SI: variants seen among roughly 807,000 people sequenced by gnomAD.
SI encodes sucrase-isomaltase, intestinal.
In SI, 235 loss-of-function variants were observed where a neutral mutation model predicts 253.3. That is an observed-to-expected ratio of 0.93 (90% confidence interval 0.83 to 1.03). SI has a LOEUF of 1.03. Ranked by LOEUF, SI falls within the 50% of genes least tolerant of loss-of-function variation. The pLI, the probability that SI is intolerant of heterozygous loss-of-function variation, is 0.00. For missense variants in SI, 2,442 were observed against 2,211.1 expected (o/e 1.10, Z -2.09); for synonymous variants, 819 against 712.0 (o/e 1.15, Z -2.39).
In SI at chr3:164,991,383, C is replaced by T; in HGVS notation, c.5078G>A (p.Cys1693Tyr). The change falls in exon 44 of 48, where the codon TGT becomes TAT. Residue 1693 changes from cysteine to tyrosine, a missense_variant. Transcript: ENST00000264382. Reference protein sequence around the residue: ...LHVRGGHILPCQEPAQNTFYS... With the variant: ...LHVRGGHILPYQEPAQNTFYS... ...AAATGTGTTTTGAGCTGGCTCTTGACATGGTAGGATGTGACCACCACGGAC... is the reference window on the plus strand; with the variant it reads ...AAATGTGTTTTGAGCTGGCTCTTGATATGGTAGGATGTGACCACCACGGAC... 1 of 1,613,744 alleles carries T rather than the reference C, an allele frequency of 6.2e-7. No homozygotes were observed. Among genetic ancestry groups the T allele is most frequent in the Non-Finnish European group, 8.5e-7 (1 of 1,179,800 alleles).
At chr3:165,089,041 G>A in the SI span, among the ~76,000 whole-genome samples, 1 of 149,360 alleles carries the variant, frequency 6.7e-6, no homozygotes. Context: ...TCCCAAATTT[G>A]CTGTCTTGGT....
chr3:165,004,754 C>T lies in SI; in HGVS notation c.4406+2062G>A, dbSNP rs547271766. ...TGCTAAAAATTTTGAAAAAGCAAAA[C>T]ATTGAACTCATGAATATAGACGGGA... On this transcript the variant is annotated intron_variant, in intron 37 of 47. Transcript: ENST00000264382. 8.5e-5 allele frequency among the ~76,000 whole-genome samples: 13 copies of T among 152,154 alleles called. No individual in the cohort carries two copies. In the East Asian group the frequency reaches 2.3e-3, roughly 27 times the overall value.
chr3:165,074,497 TTC>T (rs1313718689), intron 3 of SI, 32 bp downstream of exon 3: 1 of 1,415,920 alleles, frequency 7.1e-7, no homozygotes, highest in Non-Finnish European at 9.7e-7. Flanking sequence ...AATGTATATA[TTC>T]ATTAAAAATA....
intron 44 of SI, among the ~76,000 whole-genome samples, chr3:164,988,149 T>C (rs1329191523): frequency 6.6e-6 from 1 of 152,190 alleles, no homozygotes; most frequent in East Asian, 1.9e-4. Context: ...TTGTTTGAAA[T>C]AATTTACCAG....
At position 164,991,339 on chromosome 3, in the gene SI, A is replaced by C. The variant is rs748354310; in HGVS notation, c.5108+14T>G. 1 of 1,613,588 alleles carries C rather than the reference A, an allele frequency of 6.2e-7. No homozygotes were observed. The highest frequency in any genetic ancestry group is 1.7e-5 in the Admixed American group (1 of 59,990). On this transcript the variant is annotated intron_variant, in intron 44 of 47. Coordinates refer to ENST00000264382, the MANE Select transcript of SI (RefSeq NM_001041.4). ...CTCAAAATTTAACCTGAGCTTTGTA[A>C]ACAGTTCACTTACCTGTAAAATGTG...
At chr3:164,987,093 A>G (rs748354828) in intron 45 of SI, 45 bp downstream of exon 45, 33 of 1,348,342 alleles carry the variant, frequency 2.4e-5, no homozygotes, top group South Asian at 1.9e-4. Flanking sequence ...GTAATGTGAT[A>G]GAATACGACA....
At chr3:165,025,536 A>G (rs1711865601) in intron 25 of SI, among the ~76,000 whole-genome samples, 1 of 151,242 alleles carries the variant, frequency 6.6e-6, no homozygotes, top group Non-Finnish European at 1.5e-5. Context: ...GTCATTGCCT[A>G]GACACATTGC....
chr3:165,072,089 A>G (rs1210608148), intron 3 of SI, among the ~76,000 whole-genome samples: 2 of 152,130 alleles, frequency 1.3e-5, no homozygotes, highest in Non-Finnish European at 2.9e-5. Flanking sequence ...TAAGTTTAAT[A>G]TAACCAATTT....
chr3:165,036,506 G>T (rs746075870), intron 21 of SI, 29 bp from the exon 22 acceptor site: 1 of 1,475,192 alleles, frequency 6.8e-7, no homozygotes, highest in South Asian at 1.1e-5. Context: ...TGCATATATG[G>T]TTAAAAATAA....
chr3:165,022,709 A>G (rs898801852), intron 26 of SI, among the ~76,000 whole-genome samples: 1 of 151,566 alleles, frequency 6.6e-6, no homozygotes, highest in Non-Finnish European at 1.5e-5. Flanking sequence ...AATTGTATGA[A>G]TTTTTATTCT....
rs750773954 is a variant in SI, at chr3:165,017,677, TA to T, written c.3634-5del. On this transcript the variant is annotated splice_polypyrimidine_tract_variant and splice_region_variant and intron_variant, in intron 30 of 47. Coordinates refer to ENST00000264382, the MANE Select transcript of SI (RefSeq NM_001041.4). ...GCATGACTGGATGGCCAATTACCTT[TA>T]AAAAAAATTCATGTGTGAACTAAGA... The T allele has an allele frequency of 2.5e-4, 410 of 1,611,908 alleles. No homozygotes were observed. Among genetic ancestry groups the T allele is most frequent in the Admixed American group, 5.0e-4 (30 of 59,846 alleles).
intron 21 of SI, 48 bp downstream of exon 21, chr3:165,037,852 A>T: frequency 7.7e-7 from 1 of 1,293,420 alleles, no homozygotes; most frequent in Non-Finnish European, 1.1e-6. Flanking sequence ...ATGAAATATT[A>T]AGATTTGAAT....
intron 37 of SI, among the ~76,000 whole-genome samples, chr3:165,005,305 A>T (rs1317027399): frequency 6.6e-6 from 1 of 152,160 alleles, no homozygotes; most frequent in Non-Finnish European, 1.5e-5. Flanking sequence ...ACAGGATGAT[A>T]GTCAATAATA....
At chr3:165,029,917 A>T (rs538163752) in intron 25 of SI, among the ~76,000 whole-genome samples, 1 of 150,452 alleles carries the variant, frequency 6.6e-6, no homozygotes, top group East Asian at 2.0e-4. Context: ...ATTCTTCCCT[A>T]TTCTTCACTA....
At chr3:165,014,280 G>A (rs757810707) in intron 33 of SI, among the ~76,000 whole-genome samples, 1 of 151,700 alleles carries the variant, frequency 6.6e-6, no homozygotes, top group Admixed American at 6.6e-5. Context: ...ACGGAGTCTC[G>A]CTCTGTCCCC....
intron 37 of SI, among the ~76,000 whole-genome samples, chr3:165,005,813 C>T (rs936726127): frequency 6.6e-6 from 1 of 152,030 alleles, no homozygotes; most frequent in Admixed American, 6.6e-5. Context: ...GTGGTAGGAG[C>T]ACAGCTCACT....
intron 16 of SI, among the ~76,000 whole-genome samples, chr3:165,044,602 ATTG>A (rs1288270526): frequency 2.0e-5 from 3 of 151,712 alleles, no homozygotes; most frequent in African/African-American, 4.8e-5. Context: ...TTATTTTTCT[ATTG>A]TTCTTAATTT....
chr3:165,047,731 G>T (rs996627618), intron 15 of SI, among the ~76,000 whole-genome samples: 3 of 151,812 alleles, frequency 2.0e-5, no homozygotes, highest in African/African-American at 7.3e-5. Flanking sequence ...TATTATACCT[G>T]AACTTGAACC....
chr3:165,005,892 A>G (rs1389018875), intron 37 of SI, among the ~76,000 whole-genome samples: 2 of 152,088 alleles, frequency 1.3e-5, no homozygotes, highest in African/African-American at 4.8e-5. Context: ...GATTACAAGT[A>G]TAAGCTGCTG....
Sources: allele counts gnomAD v4.1 joint callset (sites outside exome capture counted in the v4.1 genomes callset), GRCh38; gene constraint gnomAD v4.1.1; transcripts MANE v1.5; gene names NCBI Gene and HGNC (gene_info 2026-07-23, HGNC 2026-07-21).